The following NFIC variants were observed in gnomAD, a reference collection of about 807,000 sequenced individuals.
NFIC encodes the protein nuclear factor 1 C-type.
In NFIC, 12 loss-of-function variants were observed where a neutral mutation model predicts 54.4. The observed-to-expected ratio is 0.22, with a 90% CI of 0.14 to 0.36. NFIC has a LOEUF of 0.36. Among genes scored for constraint, NFIC ranks in the 10% least tolerant of loss-of-function variants. NFIC has a pLI of 1.00. For synonymous variants in NFIC, 322 were observed against 319.2 expected, an observed-to-expected ratio of 1.01 and a Z score of -0.09; for missense variants, 575 against 718.2, an observed-to-expected ratio of 0.80 and a Z score of 2.28.
rs2082416148 is a variant in NFIC at position 3,449,086 on chromosome 19, C to G, written c.1031C>G (p.Pro344Arg). 2 of 1,613,654 alleles carry G rather than the reference C, an allele frequency of 1.2e-6. No homozygotes were observed. The highest frequency in any genetic ancestry group is 2.7e-5 in the African/African-American group (2 of 74,896). Residue 344 changes from proline (P) to arginine (R), a missense_variant, in exon 7 of 11, where the codon CCC (proline) becomes CGC (arginine). Pro to Arg is a moderately radical substitution (Grantham distance 103). Transcript: ENST00000443272. The part of the protein sequence containing the change: ...PFNSPSPQDS[P>R]RLSSFTQHHR... ...AACAGCCCGTCCCCCCAGGACTCTCCCCGCCTCTCCAGCTTCACCCAGCAC... is the reference window on the plus strand; with the variant it reads ...AACAGCCCGTCCCCCCAGGACTCTCGCCGCCTCTCCAGCTTCACCCAGCAC...
At chr19:3,404,769 C>T (rs2081617139) in intron 2 of NFIC, among the ~76,000 whole-genome samples, 1 of 152,232 alleles carries the variant, frequency 6.6e-6, no homozygotes, top group Non-Finnish European at 1.5e-5. Context: ...CCTCCCAGAG[C>T]GTCCCCAGCA....
intron 2 of NFIC, among the ~76,000 whole-genome samples, chr19:3,402,105 G>A (rs1237765579): frequency 6.6e-6 from 1 of 151,990 alleles, no homozygotes; most frequent in East Asian, 1.9e-4. Context: ...AAGTGCAGTG[G>A]CACGATCTCA....
chr19:3,447,481 CCA>C (rs2082390619), intron 6 of NFIC, among the ~76,000 whole-genome samples: 1 of 152,148 alleles, frequency 6.6e-6, no homozygotes, highest in Non-Finnish European at 1.5e-5. Context: ...CCCACTCACC[CCA>C]AATAGCAGCA....
chr19:3,464,410 C>T lies in NFIC; in HGVS notation c.*1641C>T. The T allele has an allele frequency of 1.0e-6, 1 of 984,902 alleles. No individual in the cohort carries two copies. The highest frequency in any genetic ancestry group is 5.2e-4 in the Middle Eastern group (1 of 1,914). The allele number at this position is 984,902 out of a possible 1,614,324, so 61.0% of individuals were successfully genotyped here. On this transcript the variant is annotated 3_prime_UTR_variant, in exon 11 of 11. Coordinates refer to ENST00000443272, the MANE Select transcript of NFIC (RefSeq NM_001245002.2). Reference sequence around the variant, plus strand: ...GCCAGGTGCCCCCCCACCCCGGCTCCCTGGCCCTATCCACACCTCCACCCC... The same window carrying T: ...GCCAGGTGCCCCCCCACCCCGGCTCTCTGGCCCTATCCACACCTCCACCCC...
intron 4 of NFIC, 71 bp from the exon 5 acceptor site, chr19:3,434,206 C>T (rs1460270414): frequency 2.0e-6 from 3 of 1,533,166 alleles, no homozygotes; most frequent in South Asian, 2.5e-5. Flanking sequence ...GTGGCTTTCC[C>T]TACCTCTCTA....
At chr19:3,380,184 T>TC (rs58350472) in intron 1 of NFIC, among the ~76,000 whole-genome samples, 3,395 of 150,298 alleles carry the variant, frequency 0.023, 130 homozygotes, top group African/African-American at 0.079. Flanking sequence ...TGTTTTTTTT[T>TC]CAGTAGAGAC....
rs1345520976 is a variant in NFIC at position 3,453,602 on chromosome 19, C to T, written c.1270-161C>T. On this transcript the variant is annotated intron_variant, in intron 8 of 10. Coordinates refer to ENST00000443272, the MANE Select transcript of NFIC (RefSeq NM_001245002.2). The surrounding 1 kb of genome is among the most constrained non-coding windows in gnomAD (Gnocchi z 6.7). ...GTCCCCAGGCCCCTCCACCTCCGGC[C>T]GTCCTCAGACCCACCAAACCCGCCA... Among the ~76,000 whole-genome samples the T allele has an allele frequency of 1.3e-5, 2 of 152,140 alleles. No individual in the cohort carries two copies. The highest frequency in any genetic ancestry group is 6.5e-5 in the Admixed American group (1 of 15,290).
At chr19:3,384,138 TC>T (rs1211597552) in intron 2 of NFIC, among the ~76,000 whole-genome samples, 1 of 148,630 alleles carries the variant, frequency 6.7e-6, no homozygotes, top group African/African-American at 2.5e-5. Flanking sequence ...CACTGTAGCC[TC>T]GACCTCCCAG....
At chr19:3,431,581 C>T (rs1199644580) in intron 3 of NFIC, among the ~76,000 whole-genome samples, 2 of 151,716 alleles carry the variant, frequency 1.3e-5, no homozygotes, top group African/African-American at 4.8e-5. Context: ...GTTGCCCAGT[C>T]CCGTCTCAAA....
chr19:3,462,650 G>T (rs1189034562), intron 10 of NFIC, 102 bp from the exon 11 acceptor site: 5 of 1,318,652 alleles, frequency 3.8e-6, no homozygotes, highest in African/African-American at 1.4e-5. Flanking sequence ...GAGGTGGGGG[G>T]TGAGCGTGGG....
At chr19:3,400,409 G>A (rs975200720) in intron 2 of NFIC, among the ~76,000 whole-genome samples, 9 of 152,054 alleles carry the variant, frequency 5.9e-5, no homozygotes, top group African/African-American at 2.2e-4. Flanking sequence ...CCTGGGAGGC[G>A]GAGCTTGCAG....
upstream of NFIC, among the ~76,000 whole-genome samples, chr19:3,366,161 C>A (rs1488993509): frequency 2.0e-5 from 3 of 151,794 alleles, no homozygotes; most frequent in South Asian, 2.1e-4. Flanking sequence ...TGTCCCCCCT[C>A]TCCGCTTGAT....
Position 3,463,037 on chromosome 19 carries a change from A to T in NFIC, c.*268A>T. ...AGACGCAACGTTTCCAACTCTCGGGACGCCAAGGCCGCAGGACTGGAGGGC... is the reference window on the plus strand; with the variant it reads ...AGACGCAACGTTTCCAACTCTCGGGTCGCCAAGGCCGCAGGACTGGAGGGC... On this transcript the variant is annotated 3_prime_UTR_variant, in exon 11 of 11. Coordinates refer to ENST00000443272, the MANE Select transcript of NFIC (RefSeq NM_001245002.2). 1 of 1,346,608 alleles carries T rather than the reference A, an allele frequency of 7.4e-7. No homozygotes were observed. Among genetic ancestry groups the T allele is most frequent in the East Asian group, 3.0e-5 (1 of 33,220 alleles). 83.4% of individuals were successfully genotyped at this position (1,346,608 alleles called of 1,614,324 possible).
chr19:3,391,189 G>A (rs913832315), intron 2 of NFIC, among the ~76,000 whole-genome samples: 2 of 151,986 alleles, frequency 1.3e-5, no homozygotes, highest in Admixed American at 6.6e-5. Context: ...GTTTGAGGCT[G>A]CAATGAGCTA....
At chr19:3,450,810 C>T (rs1414344359) in intron 7 of NFIC, among the ~76,000 whole-genome samples, 2 of 152,208 alleles carry the variant, frequency 1.3e-5, no homozygotes, top group East Asian at 3.9e-4. Flanking sequence ...CACAGAGAGG[C>T]AGTCCCAAAT....
At chr19:3,433,256 C>T (rs760576302) in intron 3 of NFIC, among the ~76,000 whole-genome samples, 8 of 152,376 alleles carry the variant, frequency 5.3e-5, no homozygotes, top group Admixed American at 6.5e-5. Flanking sequence ...TGAGCCACTG[C>T]GCCCGGCCTG....
At chr19:3,441,594 G>C (rs1312499922) in intron 6 of NFIC, among the ~76,000 whole-genome samples, 1 of 152,278 alleles carries the variant, frequency 6.6e-6, no homozygotes, top group African/African-American at 2.4e-5. Context: ...GCTGGAGCAG[G>C]GTTCCTGAGG....
chr19:3,433,650 G>T, intron 4 of NFIC, 58 bp downstream of exon 4: 1 of 1,563,376 alleles, frequency 6.4e-7, no homozygotes. Context: ...GCCGCAGGGA[G>T]GAAGGAGCCC....
chr19:3,427,835 GAAGAAGAAAGAAGGA>G (rs2082050854), intron 3 of NFIC, among the ~76,000 whole-genome samples: 4 of 138,826 alleles, frequency 2.9e-5, no homozygotes, highest in African/African-American at 1.1e-4. Flanking sequence ...AAAAAAAGAA[GAAGAAGAAAGAAGGA>G]AAGAAAGAAA....
Sources: gnomAD v4.1 joint callset for allele counts (sites outside exome capture counted in the v4.1 genomes callset) on GRCh38, gnomAD v4.1.1 for gene constraint, Gnocchi (gnomAD v3.1) non-coding constraint, MANE v1.5 for transcripts, NCBI Gene and HGNC (gene_info 2026-07-23, HGNC 2026-07-21) for gene names.